Variants in CCDC102B observed in about 807,000 individuals in gnomAD.
The protein encoded by CCDC102B is coiled-coil domain-containing protein 102B.
A neutral mutation model predicts 57.4 loss-of-function variants in CCDC102B; 75 were observed. The ratio of observed to expected loss-of-function variants is 1.31; its 90% CI spans 1.08 to 1.58. The LOEUF (loss-of-function observed/expected upper bound fraction) is 1.58, where lower values mean the gene tolerates loss of function less well. Among genes scored for constraint, CCDC102B ranks in the 40% most tolerant of loss-of-function variants. The pLI, the probability that CCDC102B is intolerant of heterozygous loss-of-function variation, is 0.00. For missense variants in CCDC102B, 636 were observed against 582.6 expected, an observed-to-expected ratio of 1.09 and a Z score of -0.94; for synonymous variants, 206 against 201.9, an observed-to-expected ratio of 1.02 and a Z score of -0.17.
At chr18:68,897,466 T>C in intron 6 of CCDC102B, 38 bp downstream of exon 6, 2 of 1,598,820 alleles carry the variant, frequency 1.3e-6, no homozygotes, top group Non-Finnish European at 1.7e-6. Context: ...CACTGTCTAA[T>C]CTCACTCTGA....
At chr18:68,917,815 T>G (rs1206854636) in intron 6 of CCDC102B, among the ~76,000 whole-genome samples, 2 of 152,208 alleles carry the variant, frequency 1.3e-5, no homozygotes, top group Non-Finnish European at 2.9e-5. Flanking sequence ...TTTTTAGTCC[T>G]AATGTTTTAC....
chr18:68,915,548 T>G (rs1241019105), intron 6 of CCDC102B, among the ~76,000 whole-genome samples: 1 of 152,230 alleles, frequency 6.6e-6, no homozygotes, highest in Admixed American at 6.5e-5. Flanking sequence ...AAATTTGAAT[T>G]TACAATATTT....
chr18:68,912,785 A>G (rs566322374), intron 6 of CCDC102B, among the ~76,000 whole-genome samples: 129 of 152,364 alleles, frequency 8.5e-4, no homozygotes, highest in Non-Finnish European at 1.6e-3. Flanking sequence ...TTTGTAATAC[A>G]CTTCAGTCTC....
At chr18:68,920,488 A>T (rs1304327233) in intron 6 of CCDC102B, among the ~76,000 whole-genome samples, 1 of 152,126 alleles carries the variant, frequency 6.6e-6, no homozygotes, top group Non-Finnish European at 1.5e-5. Flanking sequence ...GATATACCTG[A>T]GACTGGGAAG....
intron 5 of CCDC102B, among the ~76,000 whole-genome samples, chr18:68,883,295 C>T (rs949780269): frequency 6.6e-6 from 1 of 151,972 alleles, no homozygotes; most frequent in East Asian, 1.9e-4. Context: ...CCTGTAATCC[C>T]AGCTGCTCAG....
rs2052795477 is a variant in CCDC102B, at chr18:69,055,171, G to C, written c.*1034G>C. 1 of 976,138 alleles carries C rather than the reference G, an allele frequency of 1.0e-6. No homozygotes were observed. The allele number at this position is 976,138 out of a possible 1,614,324, so 60.5% of individuals were successfully genotyped here. A position where few individuals can be genotyped will look rare whatever the true frequency, so the allele number is the denominator to read the frequency against. On this transcript the variant is annotated 3_prime_UTR_variant, in exon 8 of 8. Transcript: ENST00000360242. Reference sequence around the variant, plus strand: ...TCTTACTAATTCATTATTGAATAAAGACCACTTTTATCAGAGTCTCTCATT... The same window carrying C: ...TCTTACTAATTCATTATTGAATAAACACCACTTTTATCAGAGTCTCTCATT...
intron 6 of CCDC102B, among the ~76,000 whole-genome samples, chr18:68,929,918 G>A (rs1413938610): frequency 6.6e-6 from 1 of 151,716 alleles, no homozygotes; most frequent in African/African-American, 2.4e-5. Flanking sequence ...TGTTTATGAT[G>A]AAATATATTA....
chr18:68,911,891 A>T (rs1231032815), intron 6 of CCDC102B, among the ~76,000 whole-genome samples: 1 of 119,022 alleles, frequency 8.4e-6, no homozygotes, highest in Non-Finnish European at 1.9e-5. Context: ...CATGAAAACA[A>T]AAAAGTAAAA....
chr18:68,853,147 G>C (rs1339690744), intron 4 of CCDC102B, among the ~76,000 whole-genome samples: 1 of 152,160 alleles, frequency 6.6e-6, no homozygotes, highest in African/African-American at 2.4e-5. Flanking sequence ...ACAGTTTGTA[G>C]ATAGTGAAAT....
intron 5 of CCDC102B, among the ~76,000 whole-genome samples, chr18:68,895,210 A>G (rs540302236): frequency 4.6e-5 from 7 of 151,920 alleles, no homozygotes; most frequent in African/African-American, 1.4e-4. Context: ...ATGTCAAACT[A>G]CATCATCTAA....
chr18:68,890,506 T>G (rs2144993552), intron 5 of CCDC102B, among the ~76,000 whole-genome samples: 1 of 152,326 alleles, frequency 6.6e-6, no homozygotes, highest in Non-Finnish European at 1.5e-5. Context: ...ATTATAGACT[T>G]GGGCGACCAC....
chr18:68,863,688 A>G lies in CCDC102B; in HGVS notation c.937-10981A>G, dbSNP rs2038855577. Among the ~76,000 whole-genome samples, 4 of 151,932 alleles carry G rather than the reference A, an allele frequency of 2.6e-5. No homozygotes were observed. The South Asian group carries it at 8.3e-4, about 31-fold the overall frequency. ...TAACAAAATAATGAATTGAATCACT[A>G]CCATTCTTCAATGTTGATCAAATTT... On this transcript the variant is annotated intron_variant, in intron 4 of 7. Coordinates refer to ENST00000360242, the MANE Select transcript of CCDC102B (RefSeq NM_024781.3).
At chr18:68,759,395 G>A (rs1051724292) in intron 2 of CCDC102B, among the ~76,000 whole-genome samples, 4 of 152,006 alleles carry the variant, frequency 2.6e-5, no homozygotes, top group African/African-American at 9.7e-5. Context: ...TAAATACGTA[G>A]CAAGACAACA....
In CCDC102B at chr18:68,803,989, T is replaced by G. The variant is rs118029254; in HGVS notation, c.-16+5808T>G. Among the ~76,000 whole-genome samples the G allele has an allele frequency of 2.4e-3, 365 of 152,286 alleles. 4 individuals are homozygous for G. In the East Asian group the frequency reaches 0.044, roughly 18 times the overall value. On this transcript the variant is annotated intron_variant, in intron 1 of 7. Transcript: ENST00000360242. The stretch of plus-strand genomic sequence containing the variant: ...AGTGTTCAAAGCATCCACTCGGCTG[T>G]GCTGTGGAGAACATACTGGAGTAGG...
chr18:68,812,060 T>C (rs1287428442), intron 1 of CCDC102B, among the ~76,000 whole-genome samples: 1 of 152,170 alleles, frequency 6.6e-6, no homozygotes, highest in Non-Finnish European at 1.5e-5. Context: ...CAGTGTTAGA[T>C]TTTTACCATT....
At chr18:68,774,688 C>T (rs2034751240) in intron 2 of CCDC102B, among the ~76,000 whole-genome samples, 1 of 151,918 alleles carries the variant, frequency 6.6e-6, no homozygotes, top group African/African-American at 2.4e-5. Context: ...TGTTTAAGCT[C>T]AATTGCTTAG....
chr18:69,037,447 A>G (rs911687951), intron 7 of CCDC102B, among the ~76,000 whole-genome samples: 2 of 152,042 alleles, frequency 1.3e-5, no homozygotes, highest in African/African-American at 4.8e-5. Flanking sequence ...TGAAAACGAC[A>G]TCTGTCAGGC....
At chr18:68,942,475 G>A (rs1386725448) in intron 6 of CCDC102B, among the ~76,000 whole-genome samples, 1 of 151,984 alleles carries the variant, frequency 6.6e-6, no homozygotes, top group African/African-American at 2.4e-5. Flanking sequence ...TCTCAGAGAG[G>A]GGAATGTGGC....
chr18:68,931,013 T>A (rs953890399), intron 6 of CCDC102B, among the ~76,000 whole-genome samples: 1 of 151,908 alleles, frequency 6.6e-6, no homozygotes, highest in African/African-American at 2.4e-5. Flanking sequence ...TTACAGCATG[T>A]CTCATTCAGA....
Sources: gnomAD v4.1 joint callset for allele counts (sites outside exome capture counted in the v4.1 genomes callset) on GRCh38, gnomAD v4.1.1 for gene constraint, MANE v1.5 for transcripts, NCBI Gene and HGNC (gene_info 2026-07-23, HGNC 2026-07-21) for gene names.